The following ADAMTSL3 variants were observed in gnomAD, a reference collection of about 807,000 sequenced individuals.
ADAMTSL3 encodes the protein ADAMTS like 3.
ADAMTSL3 carries 128 observed loss-of-function variants against 201.7 expected under a neutral mutation model. That is an observed-to-expected ratio of 0.63 (90% confidence interval 0.55 to 0.73). The LOEUF (loss-of-function observed/expected upper bound fraction) is 0.73, where lower values mean the gene tolerates loss of function less well. ADAMTSL3 is among the 30% of genes least tolerant of loss of function. ADAMTSL3 has a pLI of 0.00. For missense variants in ADAMTSL3, 1,990 were observed against 2,119.6 expected (o/e 0.94, Z 1.20); for synonymous variants, 738 against 748.4 (o/e 0.99, Z 0.23).
At chr15:83,831,711 A>G (rs1241031959) in intron 6 of ADAMTSL3, among the ~76,000 whole-genome samples, 1 of 152,136 alleles carries the variant, frequency 6.6e-6, no homozygotes, top group African/African-American at 2.4e-5. Context: ...ATTCTTCCGT[A>G]GAAATCCTTC....
At chr15:83,843,243 CTT>C (rs142148204) in intron 7 of ADAMTSL3, among the ~76,000 whole-genome samples, 1 of 143,454 alleles carries the variant, frequency 7.0e-6, no homozygotes, top group South Asian at 2.3e-4. Context: ...CTAAAATGTC[CTT>C]TTTTTTAAAA....
At chr15:83,782,571 A>G (rs184270253) in intron 4 of ADAMTSL3, among the ~76,000 whole-genome samples, 1 of 152,332 alleles carries the variant, frequency 6.6e-6, no homozygotes, top group East Asian at 1.9e-4. Context: ...TGTCTTGTGC[A>G]GGAACATGGA....
At chr15:83,692,558 C>T (rs1596035480) in intron 2 of ADAMTSL3, among the ~76,000 whole-genome samples, 1 of 151,720 alleles carries the variant, frequency 6.6e-6, no homozygotes, top group Admixed American at 6.6e-5. Flanking sequence ...TGGCGGCGGG[C>T]ACCTGTAGCC....
intron 2 of ADAMTSL3, among the ~76,000 whole-genome samples, chr15:83,663,982 C>T (rs1305359322): frequency 6.6e-6 from 1 of 151,960 alleles, no homozygotes; most frequent in African/African-American, 2.4e-5. Flanking sequence ...TCCTCAATTC[C>T]AGAGCTCTGC....
chr15:83,924,709 A>G (rs1339595939), intron 17 of ADAMTSL3, among the ~76,000 whole-genome samples: 1 of 152,188 alleles, frequency 6.6e-6, no homozygotes, highest in Non-Finnish European at 1.5e-5. Flanking sequence ...GCTGCTGGCT[A>G]CAGAGGGTGA....
chr15:83,821,893 C>T (rs1173094707), intron 6 of ADAMTSL3, among the ~76,000 whole-genome samples: 5 of 149,538 alleles, frequency 3.3e-5, no homozygotes, highest in African/African-American at 4.9e-5. Flanking sequence ...AACTCCCTCC[C>T]GGATGGGGCG....
At chr15:83,984,001 A>G (rs939292799) in intron 21 of ADAMTSL3, among the ~76,000 whole-genome samples, 1 of 152,248 alleles carries the variant, frequency 6.6e-6, no homozygotes, top group Non-Finnish European at 1.5e-5. Context: ...AATAAGAATC[A>G]TAGTGTTTTG....
intron 21 of ADAMTSL3, among the ~76,000 whole-genome samples, chr15:83,984,835 T>C (rs1389010530): frequency 6.6e-6 from 1 of 152,232 alleles, no homozygotes; most frequent in East Asian, 1.9e-4. Flanking sequence ...ACATCTGTTG[T>C]GAAATGTTGT....
chr15:83,936,963 T>C (rs2066470631), intron 17 of ADAMTSL3, among the ~76,000 whole-genome samples: 1 of 150,924 alleles, frequency 6.6e-6, no homozygotes, highest in East Asian at 1.9e-4. Flanking sequence ...CATAGCGAGA[T>C]ACCATCTCTC....
At chr15:84,018,187 C>G (rs758022855) in intron 25 of ADAMTSL3, among the ~76,000 whole-genome samples, 2 of 152,224 alleles carry the variant, frequency 1.3e-5, no homozygotes, top group African/African-American at 4.8e-5. Context: ...GGACTACTTG[C>G]ATTGTTCTGC....
At chr15:83,932,288 A>G (rs1305313570) in intron 17 of ADAMTSL3, among the ~76,000 whole-genome samples, 2 of 152,220 alleles carry the variant, frequency 1.3e-5, no homozygotes, top group African/African-American at 2.4e-5. Flanking sequence ...TGGGTAAAAT[A>G]TGTAAAACAT....
At chr15:83,748,915 C>T (rs1010359596) in intron 3 of ADAMTSL3, among the ~76,000 whole-genome samples, 17 of 151,916 alleles carry the variant, frequency 1.1e-4, no homozygotes, top group African/African-American at 4.1e-4. Context: ...GCTGGGTTTT[C>T]CAGGGAGCAG....
At position 83,982,540 on chromosome 15, in the gene ADAMTSL3, G is replaced by A; in HGVS notation, c.2912G>A (p.Gly971Asp). The change falls in exon 21 of 30, where the codon GGT becomes GAT. Residue 971 changes from glycine to aspartate, a missense_variant. Gly to Asp is a moderately conservative substitution (Grantham distance 94). Coordinates refer to ENST00000286744, the MANE Select transcript of ADAMTSL3 (RefSeq NM_207517.3). ...ITKSGSLKIHGLAAPDIGVYR... is the reference protein window; with the variant it reads ...ITKSGSLKIHDLAAPDIGVYR... ...AAGTCAGGCTCACTAAAAATCCATG[G>A]TCTTGCTGCCCCCGACATCGGCGTG... 1 of 1,614,174 alleles carries A rather than the reference G, an allele frequency of 6.2e-7. No individual in the cohort carries two copies. Among genetic ancestry groups the A allele is most frequent in the East Asian group, 2.2e-5 (1 of 44,880 alleles).
intron 23 of ADAMTSL3, among the ~76,000 whole-genome samples, chr15:84,010,649 A>G (rs2067991772): frequency 6.6e-6 from 1 of 152,234 alleles, no homozygotes; most frequent in African/African-American, 2.4e-5. Flanking sequence ...ATGAAAGAAT[A>G]GATGGATGAA....
At chr15:83,781,155 G>T (rs990494577) in intron 4 of ADAMTSL3, among the ~76,000 whole-genome samples, 3 of 152,056 alleles carry the variant, frequency 2.0e-5, no homozygotes, top group African/African-American at 7.2e-5. Flanking sequence ...AATAGCCAAG[G>T]CAGTCCTAAA....
chr15:84,035,528 G>C (rs74993203), intron 28 of ADAMTSL3, among the ~76,000 whole-genome samples: 1 of 152,048 alleles, frequency 6.6e-6, no homozygotes, highest in Non-Finnish European at 1.5e-5. Flanking sequence ...TCCATATATC[G>C]TATGAACAGT....
intron 3 of ADAMTSL3, among the ~76,000 whole-genome samples, chr15:83,734,954 G>A (rs1016065101): frequency 1.3e-5 from 2 of 152,146 alleles, no homozygotes; most frequent in African/African-American, 2.4e-5. Context: ...TAGGGAACCC[G>A]AACCTCCAAT....
chr15:83,971,984 C>T (rs2067206447), intron 20 of ADAMTSL3, among the ~76,000 whole-genome samples: 1 of 150,778 alleles, frequency 6.6e-6, no homozygotes, highest in South Asian at 2.1e-4. Context: ...TGGAGAAACT[C>T]ACAAAACAAA....
At chr15:84,033,596 C>G (rs890785551) in intron 28 of ADAMTSL3, among the ~76,000 whole-genome samples, 3 of 152,056 alleles carry the variant, frequency 2.0e-5, no homozygotes, top group African/African-American at 7.2e-5. Context: ...GAGGTGGAGG[C>G]TGCAGTGAGC....
Sources: allele counts gnomAD v4.1 joint callset (sites outside exome capture counted in the v4.1 genomes callset), GRCh38; gene constraint gnomAD v4.1.1; transcripts MANE v1.5; gene names NCBI Gene and HGNC (gene_info 2026-07-23, HGNC 2026-07-21).